The following GPR143 variants were observed in gnomAD, a reference collection of about 807,000 sequenced individuals.
GPR143 encodes G protein-coupled receptor 143, also known as G-protein coupled receptor 143.
GPR143 carries 8 observed loss-of-function variants against 27.6 expected under a neutral mutation model. The observed-to-expected ratio is 0.29, with a 90% CI of 0.17 to 0.52. GPR143 has a LOEUF of 0.52. Among genes scored for constraint, GPR143 ranks in the 20% least tolerant of loss-of-function variants. GPR143 has a pLI of 0.96. For synonymous variants in GPR143, 156 were observed against 153.2 expected (o/e 1.02, Z -0.13); for missense variants, 303 against 343.1 (o/e 0.88, Z 0.92).
intron 1 of GPR143, among the ~76,000 whole-genome samples, chrX:9,762,106 A>G: frequency 9.2e-6 from 1 of 108,337 alleles, no homozygotes; most frequent in Non-Finnish European, 1.9e-5. Flanking sequence ...AGAAAAGTAA[A>G]GAGCCTGGCA....
At chrX:9,726,009 G>A (rs1364122490) in intron 8 of GPR143, 169 bp from the exon 9 acceptor site, 3 of 676,932 alleles carry the variant, frequency 4.4e-6, no homozygotes, top group Admixed American at 9.8e-5. Context: ...AAAAAAAGGT[G>A]GGAGGGGTGG....
upstream of GPR143, among the ~76,000 whole-genome samples, chrX:9,769,824 C>T (rs756702463): frequency 1.8e-5 from 2 of 110,749 alleles, no homozygotes; most frequent in African/African-American, 6.5e-5. Context: ...TCAGGTGATC[C>T]GCCCGCCTCA....
At chrX:9,759,289 T>C in intron 3 of GPR143, 43 bp downstream of exon 3, 1 of 849,498 alleles carries the variant, frequency 1.2e-6, no homozygotes, top group Non-Finnish European at 1.7e-6. Context: ...ATCTTCCCTC[T>C]AAAATAGAAC....
chrX:9,775,794 T>C (rs183887478), intron 1 of GPR143, among the ~76,000 whole-genome samples: 17 of 112,284 alleles, frequency 1.5e-4, no homozygotes, highest in African/African-American at 4.2e-4. Flanking sequence ...AATTTGATGC[T>C]AAGTGCAACT....
At chrX:9,776,094 A>T (rs750724923) in intron 1 of GPR143, among the ~76,000 whole-genome samples, 1 of 112,153 alleles carries the variant, frequency 8.9e-6, no homozygotes, top group African/African-American at 3.2e-5. Flanking sequence ...CATTAACCTC[A>T]GGGGCATGGC....
At chrX:9,769,663 C>T (rs1388518633), upstream of GPR143, among the ~76,000 whole-genome samples, 2 of 111,587 alleles carry the variant, frequency 1.8e-5, no homozygotes, top group African/African-American at 3.3e-5. Context: ...CTCACTGCAA[C>T]CTCTGCCTCC....
At chrX:9,750,162 C>T (rs1301922677) in intron 3 of GPR143, among the ~76,000 whole-genome samples, 1 of 112,581 alleles carries the variant, frequency 8.9e-6, no homozygotes, top group African/African-American at 3.2e-5. Flanking sequence ...TGTTTGTCTA[C>T]TGTGAGTAGG....
intron 3 of GPR143, among the ~76,000 whole-genome samples, chrX:9,752,634 C>T (rs147960348): frequency 0.035 from 3,850 of 111,269 alleles, 64 homozygotes; most frequent in Non-Finnish European, 0.047. Flanking sequence ...TTGAGAAGGA[C>T]GTAACCCACC....
intron 8 of GPR143, among the ~76,000 whole-genome samples, chrX:9,729,057 C>T (rs1202898773): frequency 9.0e-6 from 1 of 110,888 alleles, no homozygotes; most frequent in Non-Finnish European, 1.9e-5. Context: ...GTAGATCGCC[C>T]AGCCAGATCC....
chrX:9,734,308 G>A (rs1253603982), intron 8 of GPR143, among the ~76,000 whole-genome samples: 1 of 110,400 alleles, frequency 9.1e-6, no homozygotes, highest in Non-Finnish European at 1.9e-5. Flanking sequence ...ATACAGAATC[G>A]GGGAAAATAC....
Position 9,743,680 on chromosome X carries a change from A to AGAACAGAAG in GPR143, c.659-16_659-8dup. 1 of 973,280 alleles carries AGAACAGAAG rather than the reference A, an allele frequency of 1.0e-6. No individual in the cohort carries two copies. Among genetic ancestry groups the AGAACAGAAG allele is most frequent in the South Asian group, 1.9e-5 (1 of 52,005 alleles). 80.2% of individuals were successfully genotyped at this position (973,280 alleles called of 1,213,427 possible). A position where few individuals can be genotyped will look rare whatever the true frequency, so the allele number is the denominator to read the frequency against. ...CCTTTAAGTAAAGAGGCCACTGTGA[A>AGAACAGAAG]GAACAGAAGGAACTATGTATGGTGT... is the stretch of plus-strand genomic sequence containing the variant. On this transcript the variant is annotated splice_polypyrimidine_tract_variant and splice_region_variant and intron_variant, in intron 5 of 8. Coordinates refer to ENST00000467482, the MANE Select transcript of GPR143 (RefSeq NM_000273.3).
chrX:9,772,517 CG>C lies in GPR143; in HGVS notation c.-2-11692del, dbSNP rs1419778256. On this transcript the variant is annotated intron_variant, in intron 1 of 7. Coordinates refer to the GPR143 transcript ENST00000447366. ...ATTCACAATTAAATTTGGCAGAACA[CG>C]TCTATTTCAAAAAGAACAACTGACC... 1.2e-4 allele frequency among the ~76,000 whole-genome samples: 13 copies of C among 111,923 alleles called. No homozygotes were observed. In the East Asian group the frequency reaches 3.4e-3, roughly 29 times the overall value.
At chrX:9,728,871 CCA>C (rs1028867397) in intron 8 of GPR143, among the ~76,000 whole-genome samples, 1 of 109,672 alleles carries the variant, frequency 9.1e-6, no homozygotes, top group Non-Finnish European at 1.9e-5. Context: ...ATGCACCTGC[CCA>C]CACACACACA....
intron 8 of GPR143, among the ~76,000 whole-genome samples, chrX:9,727,091 G>A (rs2083331244): frequency 8.8e-6 from 1 of 113,159 alleles, no homozygotes; most frequent in African/African-American, 3.2e-5. Context: ...CCTGAAGTCT[G>A]AAAGACTGGA....
At chrX:9,774,843 ATTTT>A (rs200503582) in intron 1 of GPR143, among the ~76,000 whole-genome samples, 1 of 110,383 alleles carries the variant, frequency 9.1e-6, no homozygotes, top group East Asian at 2.8e-4. Context: ...CCACATAAGG[ATTTT>A]TTTTAATTGT....
chrX:9,775,362 G>C (rs2083567751), intron 1 of GPR143, among the ~76,000 whole-genome samples: 1 of 112,122 alleles, frequency 8.9e-6, no homozygotes, highest in South Asian at 3.7e-4. Flanking sequence ...GTCTCAGCAT[G>C]GGAAGAGAGG....
Position 9,750,504 on chromosome X carries a change from G to A in GPR143, c.456-1838C>T, listed in dbSNP as rs751239274. ...ATTACAGGCATGAGCCACTGCACCT[G>A]GCTGGGTTCCTGTTTTCAGTTCTTT... On this transcript the variant is annotated intron_variant, in intron 3 of 8. Transcript: ENST00000467482. Among the ~76,000 whole-genome samples, 4 of 111,046 alleles carry A rather than the reference G, an allele frequency of 3.6e-5. No homozygotes were observed. The South Asian group carries it at 1.5e-3, about 43-fold the overall frequency.
At chrX:9,754,475 G>A (rs780852425) in intron 3 of GPR143, among the ~76,000 whole-genome samples, 43 of 111,356 alleles carry the variant, frequency 3.9e-4, no homozygotes, top group African/African-American at 1.4e-3. Flanking sequence ...GTGTTTGAGA[G>A]TGCAGAATCT....
chrX:9,738,397 C>T (rs1427689062), intron 8 of GPR143: 13 of 747,044 alleles, frequency 1.7e-5, no homozygotes, highest in Middle Eastern at 1.5e-3. Context: ...GTCCCTCATG[C>T]TTCGTGAACT....
Sources: allele counts gnomAD v4.1 joint callset (sites outside exome capture counted in the v4.1 genomes callset), GRCh38; gene constraint gnomAD v4.1.1; transcripts MANE v1.5; gene names NCBI Gene and HGNC (gene_info 2026-07-23, HGNC 2026-07-21).